Variants in CAMKMT observed in about 807,000 individuals in gnomAD.
The protein encoded by CAMKMT is calmodulin-lysine N-methyltransferase.
Under a neutral mutation model 48.0 loss-of-function variants are expected in CAMKMT, and 53 were observed. The observed-to-expected ratio is 1.10, with a 90% CI of 0.89 to 1.39. The LOEUF (loss-of-function observed/expected upper bound fraction) is 1.39, where lower values mean the gene tolerates loss of function less well. CAMKMT is among the 40% of genes most tolerant of loss of function. The pLI is 0.00. For missense variants in CAMKMT, 428 were observed against 402.7 expected (o/e 1.06, Z -0.54); for synonymous variants, 165 against 152.3 (o/e 1.08, Z -0.61).
chr2:44,714,881 C>T (rs528856120), intron 6 of CAMKMT, among the ~76,000 whole-genome samples: 5 of 152,280 alleles, frequency 3.3e-5, no homozygotes, highest in African/African-American at 1.2e-4. Flanking sequence ...TCTCCTTTCG[C>T]TGTGCTCATC....
At chr2:44,536,006 T>G (rs1199580397) in intron 3 of CAMKMT, among the ~76,000 whole-genome samples, 1 of 152,146 alleles carries the variant, frequency 6.6e-6, no homozygotes, top group Non-Finnish European at 1.5e-5. Flanking sequence ...ACTGTTAAAT[T>G]CAGTAAAGTT....
chr2:44,402,252 C>T, intron 3 of CAMKMT, among the ~76,000 whole-genome samples: 1 of 145,714 alleles, frequency 6.9e-6, no homozygotes. Flanking sequence ...TTGCTTGAAC[C>T]CGGGAGGCAG....
At chr2:44,627,697 C>CT (rs1174344846) in intron 3 of CAMKMT, among the ~76,000 whole-genome samples, 1,125 of 75,018 alleles carry the variant, frequency 0.015, 264 homozygotes, top group African/African-American at 0.04. Flanking sequence ...CCATTTTATC[C>CT]TTTTTTTTTT....
chr2:44,547,903 C>T (rs534750406), intron 3 of CAMKMT, among the ~76,000 whole-genome samples: 9 of 152,294 alleles, frequency 5.9e-5, no homozygotes, highest in Non-Finnish European at 1.2e-4. Flanking sequence ...ATCATCAAGA[C>T]AGCTGTCCTT....
chr2:44,740,080 AGT>A (rs999050288), intron 7 of CAMKMT, among the ~76,000 whole-genome samples: 2 of 151,428 alleles, frequency 1.3e-5, no homozygotes, highest in Non-Finnish European at 2.9e-5. Context: ...TAGGAGCATA[AGT>A]GTGGTGGTAG....
chr2:44,592,241 C>T (rs550311463), intron 3 of CAMKMT, among the ~76,000 whole-genome samples: 8 of 151,942 alleles, frequency 5.3e-5, no homozygotes, highest in Non-Finnish European at 8.8e-5. Context: ...AAATAAACTA[C>T]GAATTCATTT....
At chr2:44,390,390 T>C (rs1392933379) in intron 3 of CAMKMT, 85 bp downstream of exon 3, 2 of 961,404 alleles carry the variant, frequency 2.1e-6, no homozygotes, top group Non-Finnish European at 1.6e-6. Flanking sequence ...CACTAATATT[T>C]ATTATACTCA....
intron 3 of CAMKMT, among the ~76,000 whole-genome samples, chr2:44,503,984 GGAGAGAGA>G (rs370141046): frequency 2.8e-5 from 4 of 142,596 alleles, no homozygotes; most frequent in Middle Eastern, 3.3e-3. Flanking sequence ...GAGCGGGTGG[GGAGAGAGA>G]GAGAGAGAGA....
At chr2:44,375,378 A>AT (rs1679580948) in intron 2 of CAMKMT, among the ~76,000 whole-genome samples, 1 of 151,318 alleles carries the variant, frequency 6.6e-6, no homozygotes, top group Non-Finnish European at 1.5e-5. Context: ...ATATATATAT[A>AT]AAAAAACAGA....
intron 1 of CAMKMT, among the ~76,000 whole-genome samples, chr2:44,371,569 A>G (rs112568576): frequency 6.6e-5 from 10 of 152,262 alleles, no homozygotes; most frequent in African/African-American, 2.2e-4. Context: ...AGATTTTTCT[A>G]TCATGGGAAA....
At position 44,382,774 on chromosome 2, in the gene CAMKMT, C is replaced by T. The variant is rs961689909; in HGVS notation, c.312-7467C>T. ...GATTACAGGCGTGAGCCACCACGCCCGGCCAACTTTTTTCATCTCATTTAA... is the reference window on the plus strand; with the variant it reads ...GATTACAGGCGTGAGCCACCACGCCTGGCCAACTTTTTTCATCTCATTTAA... On this transcript the variant is annotated intron_variant, in intron 2 of 10. Transcript: ENST00000378494. Among the ~76,000 whole-genome samples the T allele has an allele frequency of 1.1e-4, 16 of 152,212 alleles. No individual in the cohort carries two copies. The East Asian group carries it at 1.5e-3, about 15-fold the overall frequency.
chr2:44,591,120 T>A (rs533080510), intron 3 of CAMKMT, among the ~76,000 whole-genome samples: 2 of 150,814 alleles, frequency 1.3e-5, no homozygotes, highest in Non-Finnish European at 3.0e-5. Context: ...TATATCTCTG[T>A]TTTGGTACCA....
At chr2:44,591,013 CCTTT>C (rs1670231000) in intron 3 of CAMKMT, among the ~76,000 whole-genome samples, 1 of 152,130 alleles carries the variant, frequency 6.6e-6, no homozygotes, top group South Asian at 2.1e-4. Flanking sequence ...AATAGGGAGT[CCTTT>C]CCCCATTGCT....
At chr2:44,679,824 G>C (rs144711314) in intron 3 of CAMKMT, among the ~76,000 whole-genome samples, 2 of 152,354 alleles carry the variant, frequency 1.3e-5, no homozygotes, top group Non-Finnish European at 2.9e-5. Flanking sequence ...ATAAGCATCA[G>C]GCTGACTGTG....
At chr2:44,513,906 G>C (rs1670699143) in intron 3 of CAMKMT, among the ~76,000 whole-genome samples, 1 of 152,000 alleles carries the variant, frequency 6.6e-6, no homozygotes, top group African/African-American at 2.4e-5. Context: ...TTCAAGACCA[G>C]CCTGGGCAAC....
intron 3 of CAMKMT, among the ~76,000 whole-genome samples, chr2:44,501,957 T>C (rs987136716): frequency 6.6e-6 from 1 of 152,146 alleles, no homozygotes; most frequent in Non-Finnish European, 1.5e-5. Flanking sequence ...ATGTAAAGGC[T>C]ATGTAAGGCT....
At chr2:44,600,332 T>C (rs1333357093) in intron 3 of CAMKMT, among the ~76,000 whole-genome samples, 2 of 151,880 alleles carry the variant, frequency 1.3e-5, no homozygotes, top group East Asian at 1.9e-4. Flanking sequence ...AGTGGCACCA[T>C]CATAGCTCAC....
At chr2:44,382,022 G>C (rs191820986) in intron 2 of CAMKMT, among the ~76,000 whole-genome samples, 15 of 146,524 alleles carry the variant, frequency 1.0e-4, no homozygotes, top group Admixed American at 3.5e-4. Context: ...GCTCACAGCA[G>C]CCTCTGTCTC....
chr2:44,726,207 A>C (rs983808423), intron 7 of CAMKMT, among the ~76,000 whole-genome samples: 10 of 152,154 alleles, frequency 6.6e-5, no homozygotes, highest in Non-Finnish European at 7.4e-5. Flanking sequence ...ATTTTCAGAC[A>C]GCTTTCCATG....
Sources: gnomAD v4.1 joint callset for allele counts (sites outside exome capture counted in the v4.1 genomes callset) on GRCh38, gnomAD v4.1.1 for gene constraint, MANE v1.5 for transcripts, NCBI Gene and HGNC (gene_info 2026-07-23, HGNC 2026-07-21) for gene names.